The following GEM variants were observed in gnomAD, a reference collection of about 807,000 sequenced individuals.
GEM encodes the protein GTP-binding protein GEM.
In GEM, 31 loss-of-function variants were observed where a neutral mutation model predicts 33.0. That is an observed-to-expected ratio of 0.94 (90% CI 0.71 to 1.27). The LOEUF is 1.27. Among genes scored for constraint, GEM ranks in the 50% most tolerant of loss-of-function variants. GEM has a pLI of 0.00. For synonymous variants in GEM, 141 were observed against 143.7 expected (o/e 0.98, Z 0.13); for missense variants, 354 against 390.5 (o/e 0.91, Z 0.79).
chr8:94,261,517 TTTTTTA>T (rs912871990), intron 1 of GEM, among the ~76,000 whole-genome samples: 1 of 152,082 alleles, frequency 6.6e-6, no homozygotes, highest in Admixed American at 6.6e-5. Context: ...GTCCACTAGT[TTTTTTA>T]TTTTTATTTT....
rs1162554407 is a variant in GEM, at chr8:94,249,685, C to T, written c.*625G>A. On this transcript the variant is annotated 3_prime_UTR_variant, in exon 5 of 5. Coordinates refer to ENST00000297596, the MANE Select transcript of GEM (RefSeq NM_005261.4). ...GAAATTGTAAGATATAATTTTTGAG[C>T]CTATAAGGGACACATGTATCAGTTC... 1.3e-5 allele frequency: 2 copies of T among 151,272 alleles called. No homozygotes were observed. The highest frequency in any genetic ancestry group is 4.9e-5 in the African/African-American group (2 of 41,122). 9.4% of individuals were successfully genotyped at this position (151,272 alleles called of 1,614,324 possible).
chr8:94,258,341 A>G (rs1478257286), intron 2 of GEM, among the ~76,000 whole-genome samples: 1 of 152,190 alleles, frequency 6.6e-6, no homozygotes, highest in East Asian at 1.9e-4. Context: ...AAAGCACTGT[A>G]TCGTTACTGC....
chr8:94,250,179 G>T lies in GEM; in HGVS notation c.*131C>A. The stretch of plus-strand genomic sequence containing the variant: ...TCCCATGCATCATGTTGCCCACAAG[G>T]CTAATACGCTAGCTCCCTGCTACAA... On this transcript the variant is annotated 3_prime_UTR_variant, in exon 5 of 5. Transcript: ENST00000297596. 1 of 716,708 alleles carries T rather than the reference G, an allele frequency of 1.4e-6. No homozygotes were observed. Among genetic ancestry groups the T allele is most frequent in the Non-Finnish European group, 2.3e-6 (1 of 429,976 alleles). The allele number at this position is 716,708 out of a possible 1,614,324, so 44.4% of individuals were successfully genotyped here. A position where few individuals can be genotyped will look rare whatever the true frequency, so the allele number is the denominator to read the frequency against.
chr8:94,256,888 G>A lies in GEM; in HGVS notation c.331+3285C>T, dbSNP rs184815362. On this transcript the variant is annotated intron_variant, in intron 2 of 4. Coordinates refer to ENST00000297596, the MANE Select transcript of GEM (RefSeq NM_005261.4). Reference sequence around the variant, plus strand: ...CAACATGTTATATCCTTTAATCCTCGTAACACCCTATGAAGGAGGTATTAC... The same window carrying A: ...CAACATGTTATATCCTTTAATCCTCATAACACCCTATGAAGGAGGTATTAC... 6.6e-5 allele frequency among the ~76,000 whole-genome samples: 10 copies of A among 152,186 alleles called. 1 individual carries two copies. In the South Asian group the frequency reaches 1.7e-3, roughly 25 times the overall value.
intron 4 of GEM, 143 bp from the exon 5 acceptor site, chr8:94,250,730 C>A: frequency 1.6e-6 from 1 of 619,826 alleles, no homozygotes. Flanking sequence ...TGGGCCCTCC[C>A]AGGGCATGAA....
intron 2 of GEM, 27 bp downstream of exon 2, chr8:94,260,143 AAAG>A: frequency 6.9e-7 from 1 of 1,456,072 alleles, no homozygotes; most frequent in South Asian, 1.2e-5. Context: ...CCCCTGGTGG[AAAG>A]AAGCCCACTG....
At position 94,250,420 on chromosome 8, in the gene GEM, T is replaced by C. The variant is rs771095990; in HGVS notation, c.781A>G (p.Ser261Gly). 2.5e-6 allele frequency: 4 copies of C among 1,614,208 alleles called. No homozygotes were observed. Among genetic ancestry groups the C allele is most frequent in the Admixed American group, 3.3e-5 (2 of 60,028 alleles). The change falls in exon 5 of 5, where the codon AGC (serine) becomes GGC (glycine). Residue 261 changes from serine (S) to glycine (G), a missense_variant. Ser to Gly is a moderately conservative substitution (Grantham distance 56, BLOSUM62 0). Transcript: ENST00000297596. ...RRLAYQKRKE[S>G]MPRKARRFWG... is the part of the protein sequence containing the mutation. ...AAGCGCCTGGCTTTCCTGGGCATGC[T>C]CTCCTTCCTTTTCTGGTAGGCCAGC...
Position 94,260,409 on chromosome 8 carries a change from A to G in GEM, c.95T>C (p.Met32Thr). The G allele has an allele frequency of 6.2e-7, 1 of 1,614,012 alleles. No homozygotes were observed. The highest frequency in any genetic ancestry group is 8.5e-7 in the Non-Finnish European group (1 of 1,179,944). ...GTACTGGTGGGGCTCTTTCTGGACC[A>G]TCAGATGCCTGCCATCAGCTGGGAT... ...WSIPADGRHL[M>T]VQKEPHQYSH... The change falls in exon 2 of 5, where the codon ATG (methionine) becomes ACG (threonine). Residue 32 changes from methionine to threonine, a missense_variant. Met to Thr is a moderately conservative substitution (Grantham distance 81). Coordinates refer to ENST00000297596, the MANE Select transcript of GEM (RefSeq NM_005261.4).
At chr8:94,252,490 A>G (rs1420083976) in intron 3 of GEM, among the ~76,000 whole-genome samples, 1 of 152,192 alleles carries the variant, frequency 6.6e-6, no homozygotes, top group African/African-American at 2.4e-5. Flanking sequence ...TTGATAAATT[A>G]CACAACTTCT....
intron 2 of GEM, among the ~76,000 whole-genome samples, chr8:94,257,420 G>A (rs1028747971): frequency 7.2e-5 from 11 of 152,146 alleles, no homozygotes; most frequent in Non-Finnish European, 1.6e-4. Context: ...GACCTCAGGT[G>A]ATCCACCTGC....
At chr8:94,260,547 T>G in intron 1 of GEM, 35 bp from the exon 2 acceptor site, 3 of 1,246,864 alleles carry the variant, frequency 2.4e-6, no homozygotes, top group Non-Finnish European at 3.4e-6. Flanking sequence ...GCAGCATTAG[T>G]AAGCATGAGT....
At chr8:94,259,305 T>C (rs764026209) in intron 2 of GEM, among the ~76,000 whole-genome samples, 3 of 152,148 alleles carry the variant, frequency 2.0e-5, no homozygotes, top group Non-Finnish European at 4.4e-5. Flanking sequence ...TGTGATTCAG[T>C]TGTGAGTCGC....
intron 2 of GEM, among the ~76,000 whole-genome samples, chr8:94,256,738 G>A (rs905829954): frequency 6.6e-6 from 1 of 152,174 alleles, no homozygotes; most frequent in African/African-American, 2.4e-5. Flanking sequence ...GTGGACAGGG[G>A]CCACAAGCAA....
rs771858021 is a variant in GEM, at chr8:94,260,506, T to C, written c.-3A>G. ...ATGGTGACATTATTCAGAGTCATCG[T>C]TGAGTCCTGGGGAGCAAAGCAGCCA... On this transcript the variant is annotated 5_prime_UTR_variant, in exon 2 of 5. Transcript: ENST00000297596. 1.9e-6 allele frequency: 3 copies of C among 1,586,796 alleles called. No individual in the cohort carries two copies. The South Asian group carries it at 3.4e-5, about 18-fold the overall frequency.
intron 3 of GEM, 107 bp downstream of exon 3, chr8:94,252,929 C>T: frequency 1.5e-6 from 1 of 659,414 alleles, no homozygotes; most frequent in African/African-American, 1.8e-5. Context: ...AAAATGAGCC[C>T]ACCTCATCTG....
chr8:94,260,365 A>T lies in GEM; in HGVS notation c.139T>A (p.Ser47Thr). The stretch of plus-strand genomic sequence containing the variant: ...CGGCAGTGGTCCTCAGGGGTAGCAG[A>T]ATGGCGGTTGCGGTGGCTGTACTGG... ...PHQYSHRNRH[S>T]ATPEDHCRRS... The change falls in exon 2 of 5, where the codon TCT becomes ACT. Residue 47 changes from serine (S) to threonine (T), a missense_variant. Transcript: ENST00000297596. 6.2e-7 allele frequency: 1 copy of T among 1,614,164 alleles called. No homozygotes were observed. The highest frequency in any genetic ancestry group is 8.5e-7 in the Non-Finnish European group (1 of 1,180,030).
rs1809042008 is a variant in GEM at position 94,262,316 on chromosome 8, G to C, written c.-236C>G. On this transcript the variant is annotated 5_prime_UTR_variant, in exon 1 of 5. Transcript: ENST00000297596. Reference sequence around the variant, plus strand: ...GCTGTGCCCGCCGTCCTTGCCCGCCGCCTGCAGCCGCCGCGGCCGGGCGGT... The same window carrying C: ...GCTGTGCCCGCCGTCCTTGCCCGCCCCCTGCAGCCGCCGCGGCCGGGCGGT... 6.6e-6 allele frequency: 1 copy of C among 152,094 alleles called. No homozygotes were observed. Among genetic ancestry groups the C allele is most frequent in the Non-Finnish European group, 1.5e-5 (1 of 68,038 alleles). 9.4% of individuals were successfully genotyped at this position (152,094 alleles called of 1,614,324 possible).
chr8:94,250,704 G>GGAT, intron 4 of GEM, 117 bp from the exon 5 acceptor site: 1 of 774,942 alleles, frequency 1.3e-6, no homozygotes, highest in Non-Finnish European at 2.0e-6. Context: ...AGTGGATAGA[G>GGAT]GATGCTGCTG....
intron 4 of GEM, 50 bp downstream of exon 4, chr8:94,251,969 C>T: frequency 1.5e-6 from 2 of 1,373,700 alleles, no homozygotes; most frequent in South Asian, 2.3e-5. Context: ...TGAAGGAAAA[C>T]ACATGTGATC....
Sources: allele counts gnomAD v4.1 joint callset (sites outside exome capture counted in the v4.1 genomes callset), GRCh38; gene constraint gnomAD v4.1.1; transcripts MANE v1.5; gene names NCBI Gene and HGNC (gene_info 2026-07-23, HGNC 2026-07-21).